RANBP17: variants seen among roughly 807,000 people sequenced by gnomAD.
RANBP17 encodes the protein ran-binding protein 17.
In RANBP17, 158 loss-of-function variants were observed where a neutral mutation model predicts 141.2. The ratio of observed to expected loss-of-function variants is 1.12; its 90% confidence interval spans 0.98 to 1.28. RANBP17 has a LOEUF of 1.28. RANBP17 is among the 50% of genes most tolerant of loss of function. RANBP17 has a pLI of 0.00. For synonymous variants in RANBP17, 430 were observed against 450.0 expected (o/e 0.96, Z 0.56); for missense variants, 1,438 against 1,290.7 (o/e 1.11, Z -1.75).
intron 21 of RANBP17, among the ~76,000 whole-genome samples, chr5:171,214,166 A>G (rs1312645418): frequency 6.6e-6 from 1 of 152,178 alleles, no homozygotes; most frequent in South Asian, 2.1e-4. Context: ...ATTCATGGGA[A>G]CATAGTTTGC....
chr5:171,169,098 A>G (rs1231223701), intron 14 of RANBP17, among the ~76,000 whole-genome samples: 3 of 152,092 alleles, frequency 2.0e-5, no homozygotes, highest in Non-Finnish European at 2.9e-5. Context: ...CCTCCCCTCT[A>G]TGACCCTATA....
intron 14 of RANBP17, among the ~76,000 whole-genome samples, chr5:171,152,135 A>G (rs1275334945): frequency 1.3e-5 from 2 of 152,142 alleles, no homozygotes; most frequent in Non-Finnish European, 2.9e-5. Flanking sequence ...GAAGCTGGGC[A>G]CAGTAGCTCA....
Position 171,133,981 on chromosome 5 carries a change from A to C in RANBP17, c.1711-36149A>C, listed in dbSNP as rs577248984. On this transcript the variant is annotated intron_variant, in intron 14 of 27. Transcript: ENST00000523189. ...TTTTGTTCTATGAACAAATGGTACCATCTAAGATAAATACTTGAAACATTG... is the reference window on the plus strand; with the variant it reads ...TTTTGTTCTATGAACAAATGGTACCCTCTAAGATAAATACTTGAAACATTG... Among the ~76,000 whole-genome samples, 16 of 152,330 alleles carry C rather than the reference A, an allele frequency of 1.1e-4. No individual in the cohort carries two copies. In the East Asian group the frequency reaches 3.1e-3, roughly 29 times the overall value.
chr5:171,199,575 G>T, intron 18 of RANBP17, 95 bp from the exon 19 acceptor site: 3 of 673,626 alleles, frequency 4.5e-6, no homozygotes, highest in Non-Finnish European at 4.9e-6. Flanking sequence ...CCCTTCTCGG[G>T]AATATTTCTA....
At chr5:171,012,780 T>C (rs979817184) in intron 14 of RANBP17, among the ~76,000 whole-genome samples, 6 of 152,210 alleles carry the variant, frequency 3.9e-5, no homozygotes, top group Non-Finnish European at 7.3e-5. Context: ...CTTGGACTTT[T>C]TCTACAAGTT....
chr5:170,884,238 A>G (rs2339168), intron 3 of RANBP17, among the ~76,000 whole-genome samples: 95,943 of 151,950 alleles, frequency 0.63, 31,255 homozygotes, highest in South Asian at 0.9. Flanking sequence ...CCTCTGTACA[A>G]TTGACCCTTG....
chr5:171,087,548 A>G (rs1431684536), intron 14 of RANBP17, among the ~76,000 whole-genome samples: 1 of 151,678 alleles, frequency 6.6e-6, no homozygotes, highest in Admixed American at 6.6e-5. Flanking sequence ...TGATCTGTCT[A>G]ATGTTGACAG....
At chr5:171,114,557 G>T (rs533861693) in intron 14 of RANBP17, among the ~76,000 whole-genome samples, 1 of 151,338 alleles carries the variant, frequency 6.6e-6, no homozygotes. Context: ...ATGACAACTG[G>T]TATATCACTA....
At chr5:171,145,447 A>T (rs1757973793) in intron 14 of RANBP17, among the ~76,000 whole-genome samples, 1 of 152,158 alleles carries the variant, frequency 6.6e-6, no homozygotes, top group Admixed American at 6.5e-5. Flanking sequence ...TCTTTAGTAT[A>T]AATTCTTAGA....
intron 13 of RANBP17, among the ~76,000 whole-genome samples, chr5:170,954,060 A>G (rs1230145063): frequency 1.3e-5 from 2 of 152,204 alleles, no homozygotes; most frequent in East Asian, 3.8e-4. Flanking sequence ...TCAGTTACCC[A>G]TCGCAGGTTT....
Position 170,961,000 on chromosome 5 carries a change from G to A in RANBP17, c.1575-7242G>A, listed in dbSNP as rs996090797. 1.4e-4 allele frequency among the ~76,000 whole-genome samples: 22 copies of A among 152,128 alleles called. 1 individual carries two copies. The highest frequency in any genetic ancestry group is 9.2e-4 in the Admixed American group (14 of 15,272). ...ACCTCAAGGGATCTGCCTGCCTTGG[G>A]CTCCCAAAGTGCTGGGATTACAGGC... is the stretch of plus-strand genomic sequence containing the variant. On this transcript the variant is annotated intron_variant, in intron 13 of 27. Transcript: ENST00000523189.
At position 170,911,119 on chromosome 5, in the gene RANBP17, A is replaced by T. The variant is rs746103732; in HGVS notation, c.745A>T (p.Thr249Ser). 45 of 1,611,400 alleles carry T rather than the reference A, an allele frequency of 2.8e-5. No individual in the cohort carries two copies. The highest frequency in any genetic ancestry group is 3.6e-5 in the Non-Finnish European group (43 of 1,178,284). Residue 249 changes from threonine (T) to serine (S), a missense_variant, in exon 7 of 28, where the codon ACA becomes TCA. Physicochemically the swap from Thr to Ser is moderately conservative, Grantham distance 58 (BLOSUM62 1). Coordinates refer to ENST00000523189, the MANE Select transcript of RANBP17 (RefSeq NM_022897.5). ...ADDLCTVQIP[T>S]TWRTIFLEPE... ...TGATCTTTGCACGGTGCAGATTCCA[A>T]CAACTTGGAGAACAAGTAAGAAAAA...
At chr5:170,965,245 GTTT>G (rs202116295) in intron 13 of RANBP17, among the ~76,000 whole-genome samples, 19 of 147,482 alleles carry the variant, frequency 1.3e-4, no homozygotes, top group African/African-American at 4.7e-4. Context: ...TGATGGGGTT[GTTT>G]TTTTTTTTCT....
chr5:171,245,297 T>A (rs1316150568), intron 24 of RANBP17, among the ~76,000 whole-genome samples: 1 of 152,174 alleles, frequency 6.6e-6, no homozygotes, highest in African/African-American at 2.4e-5. Flanking sequence ...ATGTTGAATT[T>A]TATTTCTGTG....
intron 13 of RANBP17, among the ~76,000 whole-genome samples, chr5:170,963,231 A>G (rs1195492302): frequency 6.6e-6 from 1 of 152,194 alleles, no homozygotes; most frequent in African/African-American, 2.4e-5. Context: ...AACAAAAGAT[A>G]GTCTGTACAG....
chr5:171,233,204 A>G (rs544339804), intron 22 of RANBP17, among the ~76,000 whole-genome samples: 30 of 152,178 alleles, frequency 2.0e-4, no homozygotes, highest in Non-Finnish European at 4.3e-4. Flanking sequence ...AAAGAAGGTA[A>G]TAAGTGCTAT....
chr5:170,961,584 C>G (rs1776150864), intron 13 of RANBP17, among the ~76,000 whole-genome samples: 1 of 152,058 alleles, frequency 6.6e-6, no homozygotes, highest in Non-Finnish European at 1.5e-5. Context: ...ACATGAATCT[C>G]AAAGGTCATG....
chr5:171,047,827 A>G lies in RANBP17; in HGVS notation c.1710+79450A>G, dbSNP rs372400181. 3.3e-5 allele frequency among the ~76,000 whole-genome samples: 5 copies of G among 152,098 alleles called. No individual in the cohort carries two copies. In the East Asian group the frequency reaches 5.8e-4, roughly 18 times the overall value. ...ATTTGCACATTTTTTTCCTCTAAGT[A>G]TGTAGCTTGTTTTTTTCATTCTGAA... On this transcript the variant is annotated intron_variant, in intron 14 of 27. Transcript: ENST00000523189.
chr5:171,153,891 G>A (rs1561709808), intron 14 of RANBP17, among the ~76,000 whole-genome samples: 2 of 152,096 alleles, frequency 1.3e-5, no homozygotes, highest in East Asian at 1.9e-4. Context: ...GCCAGGCATG[G>A]TGGCACATAC....
Sources: allele counts gnomAD v4.1 joint callset (sites outside exome capture counted in the v4.1 genomes callset), GRCh38; gene constraint gnomAD v4.1.1; transcripts MANE v1.5; gene names NCBI Gene and HGNC (gene_info 2026-07-23, HGNC 2026-07-21).